PRMT2: variants seen among roughly 807,000 people sequenced by gnomAD.
The protein encoded by PRMT2 is protein arginine N-methyltransferase 2.
Under a neutral mutation model 57.6 loss-of-function variants are expected in PRMT2, and 26 were observed. The ratio of observed to expected loss-of-function variants is 0.45; its 90% confidence interval spans 0.33 to 0.63. The LOEUF (loss-of-function observed/expected upper bound fraction) is 0.63. PRMT2 is among the 20% of genes least tolerant of loss of function. PRMT2 has a pLI of 0.02. For synonymous variants in PRMT2, 219 were observed against 220.0 expected (o/e 1.00, Z 0.04); for missense variants, 472 against 564.4 (o/e 0.84, Z 1.66).
rs2061407907 is a variant in PRMT2 at position 46,648,987 on chromosome 21, T to C, written c.489+368T>C. ...TGGGCCTTGGGTGTGGTTGGTCTCATGGGGTTGGGAGGGATGCACACGCTG... is the reference window on the plus strand; with the variant it reads ...TGGGCCTTGGGTGTGGTTGGTCTCACGGGGTTGGGAGGGATGCACACGCTG... On this transcript the variant is annotated intron_variant, in intron 6 of 11. Coordinates refer to ENST00000355680, the MANE Select transcript of PRMT2 (RefSeq NM_206962.4). The surrounding 1 kb of genome is among the most constrained non-coding windows in gnomAD (Gnocchi z 4.8). 1.3e-5 allele frequency among the ~76,000 whole-genome samples: 2 copies of C among 152,160 alleles called. No homozygotes were observed. The highest frequency in any genetic ancestry group is 2.9e-5 in the Non-Finnish European group (2 of 68,010).
rs959146221 is a variant in PRMT2 at position 46,648,825 on chromosome 21, G to A, written c.489+206G>A. Among the ~76,000 whole-genome samples, 1 of 152,216 alleles carries A rather than the reference G, an allele frequency of 6.6e-6. No homozygotes were observed. The highest frequency in any genetic ancestry group is 1.5e-5 in the Non-Finnish European group (1 of 68,032). ...GCGTGCTAGAGGCCGTGGCGCCCGC[G>A]TACAATGAGTCGCAGACAGCACAGA... is the stretch of plus-strand genomic sequence containing the variant. On this transcript the variant is annotated intron_variant, in intron 6 of 11. Transcript: ENST00000355680. The surrounding 1 kb of genome is among the most constrained non-coding windows in gnomAD (Gnocchi z 4.8).
intron 8 of PRMT2, among the ~76,000 whole-genome samples, 177 bp from the exon 9 acceptor site, chr21:46,660,656 G>T (rs1569164536): frequency 6.6e-6 from 1 of 152,102 alleles, no homozygotes; most frequent in South Asian, 2.1e-4. Flanking sequence ...CTCAGAGCGG[G>T]AGGCACCCAG....
chr21:46,662,443 T>C (rs2061644375), intron 10 of PRMT2, among the ~76,000 whole-genome samples: 1 of 152,146 alleles, frequency 6.6e-6, no homozygotes, highest in Non-Finnish European at 1.5e-5. Context: ...CTTCCCAGCG[T>C]GGTGGCCCCG....
At chr21:46,658,578 A>G in intron 7 of PRMT2, 167 bp from the exon 8 acceptor site, 1 of 1,287,312 alleles carries the variant, frequency 7.8e-7, no homozygotes, top group Non-Finnish European at 1.0e-6. Flanking sequence ...TGGGCATAAA[A>G]TAAACCCTCG....
Position 46,649,452 on chromosome 21 carries a change from C to G in PRMT2, c.490-123C>G, listed in dbSNP as rs1398144473. The G allele has an allele frequency of 2.0e-6, 3 of 1,504,248 alleles. No homozygotes were observed. The African/African-American group carries it at 4.1e-5, about 21-fold the overall frequency. 93.2% of individuals were successfully genotyped at this position (1,504,248 alleles called of 1,614,324 possible). ...GGCCAGTCCTCGCTGCCTCTGCTGT[C>G]TGGAATGCTGCTTCCCTCTTGTGTC... On this transcript the variant is annotated intron_variant, in intron 6 of 11. Coordinates refer to ENST00000355680, the MANE Select transcript of PRMT2 (RefSeq NM_206962.4). The surrounding 1 kb of genome is among the most constrained non-coding windows in gnomAD (Gnocchi z 4.8).
chr21:46,635,710 A>C lies in PRMT2; in HGVS notation c.-219A>C, dbSNP rs1285248425. ...CTCAGGCTCCTGGAAAGGACCGTCC[A>C]CCCCTCCGCGCTGGCGGTGTGGACG... On this transcript the variant is annotated 5_prime_UTR_variant, in exon 1 of 12. Coordinates refer to ENST00000355680, the MANE Select transcript of PRMT2 (RefSeq NM_206962.4). The C allele has an allele frequency of 6.6e-6, 1 of 152,368 alleles. No homozygotes were observed. The highest frequency in any genetic ancestry group is 1.5e-5 in the Non-Finnish European group (1 of 68,162). The allele number at this position is 152,368 out of a possible 1,614,324, so 9.4% of individuals were successfully genotyped here.
At chr21:46,653,862 T>C in intron 7 of PRMT2, 1 of 1,022,850 alleles carries the variant, frequency 9.8e-7, no homozygotes, top group Non-Finnish European at 1.2e-6. Context: ...CCAACCAAGG[T>C]CTCTTCACCT....
At chr21:46,636,025 C>T (rs1323492628) in intron 1 of PRMT2, 2 of 153,474 alleles carry the variant, frequency 1.3e-5, no homozygotes, top group African/African-American at 2.4e-5. Context: ...ACGCCCACCC[C>T]ACCACCATCT....
At chr21:46,639,966 T>G (rs2061242733) in intron 3 of PRMT2, among the ~76,000 whole-genome samples, 1 of 152,212 alleles carries the variant, frequency 6.6e-6, no homozygotes, top group Admixed American at 6.5e-5. Context: ...ATTCCTGCCC[T>G]CTTGTGGATA....
At position 46,660,840 on chromosome 21, in the gene PRMT2, G is replaced by C; in HGVS notation, c.838G>C (p.Ala280Pro). Reference sequence around the variant, plus strand: ...TTTGACCTTTTCCCCTAGATCTTTAGCAGTTAAGGAGTTTTTTTCAAAGCC... The same window carrying C: ...TTTGACCTTTTCCCCTAGATCTTTACCAGTTAAGGAGTTTTTTTCAAAGCC... Reference protein sequence around the residue: ...EFNLSALKSLAVKEFFSKPKY... With the variant: ...EFNLSALKSLPVKEFFSKPKY... Residue 280 changes from alanine (A) to proline (P), a missense_variant, in exon 9 of 12, where the codon GCA becomes CCA. Coordinates refer to ENST00000355680, the MANE Select transcript of PRMT2 (RefSeq NM_206962.4). 6.2e-7 allele frequency: 1 copy of C among 1,613,644 alleles called. No homozygotes were observed.
In PRMT2 at chr21:46,664,411, A is replaced by G. The variant is rs745539508; in HGVS notation, c.*84A>G. The G allele has an allele frequency of 1.3e-6, 2 of 1,542,002 alleles. No individual in the cohort carries two copies. The highest frequency in any genetic ancestry group is 2.7e-5 in the African/African-American group (2 of 73,290). ...AAACCAAGTTGCACCTGGCTTCTGC[A>G]CACTCCTGCGAAAGTCGGTGAACAT... On this transcript the variant is annotated 3_prime_UTR_variant, in exon 12 of 12. Transcript: ENST00000355680.
At chr21:46,661,957 C>T (rs1393720470) in intron 10 of PRMT2, 21 bp downstream of exon 10, 29 of 988,624 alleles carry the variant, frequency 2.9e-5, no homozygotes, top group Non-Finnish European at 3.6e-5. Context: ...GGGGCGCGGG[C>T]ACGGGGTGCG....
intron 7 of PRMT2, chr21:46,651,868 C>G: frequency 6.2e-7 from 1 of 1,613,036 alleles, no homozygotes. Flanking sequence ...CTCTTCACGT[C>G]CTCCTGGCCT....
intron 10 of PRMT2, among the ~76,000 whole-genome samples, 180 bp from the exon 11 acceptor site, chr21:46,663,203 T>C (rs1440365276): frequency 1.3e-5 from 2 of 152,176 alleles, no homozygotes. Flanking sequence ...TGGGGGTGTA[T>C]ATGTTCCCTG....
In PRMT2 at chr21:46,663,455, G is replaced by T; in HGVS notation, c.1170G>T (p.Thr390=). ...CTGTCCATACAGGAGACGTGGTCAC[G>T]GGTTCAGTTGTGTTGCAGAGAAACC... The part of the protein sequence containing the change: ...PVPVHTGDVV[T]GSVVLQRNPV... The change falls in exon 11 of 12, where the codon ACG becomes ACT. Residue 390 remains threonine (T), a synonymous_variant. Coordinates refer to ENST00000355680, the MANE Select transcript of PRMT2 (RefSeq NM_206962.4). The T allele has an allele frequency of 6.2e-7, 1 of 1,614,204 alleles. No homozygotes were observed. The highest frequency in any genetic ancestry group is 1.3e-5 in the African/African-American group (1 of 75,068).
At chr21:46,641,877 A>AGT (rs925381618) in intron 3 of PRMT2, among the ~76,000 whole-genome samples, 7 of 152,190 alleles carry the variant, frequency 4.6e-5, no homozygotes, top group African/African-American at 1.7e-4. Context: ...AGCAGAGGGC[A>AGT]GTGCTGCCTT....
intron 5 of PRMT2, among the ~76,000 whole-genome samples, chr21:46,644,884 A>C (rs2148972784): frequency 6.6e-6 from 1 of 152,206 alleles, no homozygotes; most frequent in South Asian, 2.1e-4. Context: ...GATTTGAGCA[A>C]TGAGATTATG....
intron 8 of PRMT2, among the ~76,000 whole-genome samples, 197 bp from the exon 9 acceptor site, chr21:46,660,636 T>A (rs1230201497): frequency 6.6e-6 from 1 of 151,708 alleles, no homozygotes; most frequent in Non-Finnish European, 1.5e-5. Flanking sequence ...CTGGGTAGAG[T>A]CTGGGTCTTC....
At chr21:46,641,552 C>A (rs899083248) in intron 3 of PRMT2, among the ~76,000 whole-genome samples, 1 of 152,000 alleles carries the variant, frequency 6.6e-6, no homozygotes, top group Non-Finnish European at 1.5e-5. Context: ...ATTAGCCGGG[C>A]GTAGTGACAC....
Sources: allele counts gnomAD v4.1 joint callset (sites outside exome capture counted in the v4.1 genomes callset), GRCh38; gene constraint gnomAD v4.1.1; non-coding constraint Gnocchi (gnomAD v3.1); transcripts MANE v1.5; gene names NCBI Gene and HGNC (gene_info 2026-07-23, HGNC 2026-07-21).